Variants in TRAF3 observed in about 807,000 individuals in gnomAD.
TRAF3 encodes TNF receptor associated factor 3.
A neutral mutation model predicts 62.3 loss-of-function variants in TRAF3; 13 were observed. The ratio of observed to expected loss-of-function variants is 0.21; its 90% CI spans 0.14 to 0.33. The LOEUF is 0.33. TRAF3 is among the 10% of genes least tolerant of loss of function. The probability of loss-of-function intolerance (pLI) is 1.00; values close to 1 mark genes in which losing one functional copy is unlikely to be tolerated. For missense variants in TRAF3, 440 were observed against 741.8 expected (o/e 0.59, Z 4.73); for synonymous variants, 269 against 283.4 (o/e 0.95, Z 0.51).
intron 9 of TRAF3, chr14:102,895,134 TTGTTACTTTCA>T (rs1889934312): frequency 2.2e-6 from 1 of 455,558 alleles, no homozygotes; most frequent in African/African-American, 2.0e-5. Flanking sequence ...AATGAATGAA[TTGTTACTTTCA>T]GAGGGACACA....
At chr14:102,847,915 G>A (rs1467536533) in intron 2 of TRAF3, among the ~76,000 whole-genome samples, 3 of 151,444 alleles carry the variant, frequency 2.0e-5, no homozygotes, top group Admixed American at 2.0e-4. Context: ...AATAATAGAC[G>A]TCATACCTCA....
chr14:102,828,771 G>A (rs1158659945), intron 1 of TRAF3, among the ~76,000 whole-genome samples: 3 of 152,148 alleles, frequency 2.0e-5, no homozygotes, highest in Non-Finnish European at 2.9e-5. Context: ...CTTGACAAAT[G>A]CCCTATATAA....
At chr14:102,843,448 C>A (rs1377953757) in intron 2 of TRAF3, among the ~76,000 whole-genome samples, 1 of 151,884 alleles carries the variant, frequency 6.6e-6, no homozygotes, top group Non-Finnish European at 1.5e-5. Context: ...AGCAGTCCTC[C>A]TGCCTCAGCC....
chr14:102,868,486 G>A (rs1317963943), intron 2 of TRAF3, among the ~76,000 whole-genome samples: 1 of 152,178 alleles, frequency 6.6e-6, no homozygotes, highest in Non-Finnish European at 1.5e-5. Flanking sequence ...GACAGGAAGG[G>A]CATCTGTGCT....
chr14:102,891,441 C>G, intron 9 of TRAF3, 24 bp downstream of exon 9: 1 of 1,596,136 alleles, frequency 6.3e-7, no homozygotes, highest in Non-Finnish European at 8.5e-7. Context: ...TTTCCTGCTG[C>G]TATGGGATTT....
At chr14:102,879,866 C>T (rs1173658420) in intron 6 of TRAF3, among the ~76,000 whole-genome samples, 3 of 151,988 alleles carry the variant, frequency 2.0e-5, no homozygotes, top group Non-Finnish European at 4.4e-5. Flanking sequence ...CCTGTGTGCC[C>T]AGCACTTTGG....
At chr14:102,814,629 C>T (rs1026003811) in intron 1 of TRAF3, among the ~76,000 whole-genome samples, 1 of 152,036 alleles carries the variant, frequency 6.6e-6, no homozygotes, top group African/African-American at 2.4e-5. Flanking sequence ...GGTGATCCTC[C>T]CACCTCAGCC....
rs555565270 is a variant in TRAF3, at chr14:102,856,929, G to A, written c.-17-13256G>A. 2.6e-4 allele frequency among the ~76,000 whole-genome samples: 40 copies of A among 152,310 alleles called. No homozygotes were observed. In the South Asian group the frequency reaches 4.1e-3, roughly 16 times the overall value. On this transcript the variant is annotated intron_variant, in intron 2 of 11. Transcript: ENST00000392745. ...TAGCTCTGAGTTCCAACAAAAGGTG[G>A]TATCTGGAAGATTAATAAGTGTTCA...
chr14:102,817,169 T>G (rs557927450), intron 1 of TRAF3, among the ~76,000 whole-genome samples: 2 of 152,122 alleles, frequency 1.3e-5, no homozygotes, highest in South Asian at 2.1e-4. Context: ...GATATACAGG[T>G]CTGGGGGAAT....
At chr14:102,795,008 C>G (rs977465361) in intron 1 of TRAF3, among the ~76,000 whole-genome samples, 1 of 152,080 alleles carries the variant, frequency 6.6e-6, no homozygotes, top group African/African-American at 2.4e-5. Context: ...ATATTTCTCT[C>G]TGTTCTTAAA....
intron 1 of TRAF3, among the ~76,000 whole-genome samples, chr14:102,805,492 C>T (rs983714545): frequency 1.3e-5 from 2 of 152,146 alleles, no homozygotes; most frequent in African/African-American, 2.4e-5. Context: ...AGCCCCCTTG[C>T]GTAGAGACTC....
chr14:102,877,847 T>A (rs915815288), intron 6 of TRAF3, among the ~76,000 whole-genome samples: 1 of 151,734 alleles, frequency 6.6e-6, no homozygotes, highest in Non-Finnish European at 1.5e-5. Flanking sequence ...CTCCCTCAAC[T>A]CATAGATAAT....
intron 8 of TRAF3, among the ~76,000 whole-genome samples, chr14:102,890,834 CTAATACAT>C (rs1396661182): frequency 1.3e-5 from 2 of 152,160 alleles, no homozygotes; most frequent in Non-Finnish European, 2.9e-5. Context: ...TGTATTTGAA[CTAATACAT>C]TAATACTTTA....
chr14:102,882,007 C>T (rs1304459594), intron 6 of TRAF3, among the ~76,000 whole-genome samples: 1 of 152,210 alleles, frequency 6.6e-6, no homozygotes, highest in East Asian at 1.9e-4. Context: ...TGCACTCTCT[C>T]CTTCAGTTTG....
chr14:102,898,364 A>G (rs1171145967), intron 10 of TRAF3, among the ~76,000 whole-genome samples: 2 of 152,270 alleles, frequency 1.3e-5, no homozygotes, highest in Admixed American at 1.3e-4. Flanking sequence ...ATCAAGCCAA[A>G]TAAAGTACAA....
rs931722719 is a variant in TRAF3 at position 102,910,759 on chromosome 14, AGTCT to A, written c.*4980_*4983del. On this transcript the variant is annotated 3_prime_UTR_variant, in exon 12 of 12. Transcript: ENST00000392745. ...TCATTTCTCCTGCTGCACTGTGTCT[AGTCT>A]GTCTTGTGAACTCTCACCGTGAAAA... The A allele has an allele frequency of 4.6e-5, 7 of 152,248 alleles. No homozygotes were observed. The highest frequency in any genetic ancestry group is 1.7e-4 in the African/African-American group (7 of 41,462). 9.4% of individuals were successfully genotyped at this position (152,248 alleles called of 1,614,324 possible).
At chr14:102,893,363 C>A (rs1032248020) in intron 9 of TRAF3, among the ~76,000 whole-genome samples, 6 of 148,860 alleles carry the variant, frequency 4.0e-5, no homozygotes, top group Non-Finnish European at 8.9e-5. Flanking sequence ...GCACTCCAGC[C>A]TGGGCGACAG....
At chr14:102,839,052 T>C (rs1174630830) in intron 2 of TRAF3, among the ~76,000 whole-genome samples, 4 of 152,096 alleles carry the variant, frequency 2.6e-5, no homozygotes, top group Non-Finnish European at 5.9e-5. Flanking sequence ...GTAGAAGCTT[T>C]CCCTGTCATA....
intron 1 of TRAF3, among the ~76,000 whole-genome samples, chr14:102,789,146 C>A (rs963126720): frequency 6.6e-6 from 1 of 152,028 alleles, no homozygotes; most frequent in African/African-American, 2.4e-5. Context: ...GCTGCTTTCA[C>A]TTAGCATGAT....
Sources: gnomAD v4.1 joint callset for allele counts (sites outside exome capture counted in the v4.1 genomes callset) on GRCh38, gnomAD v4.1.1 for gene constraint, MANE v1.5 for transcripts, NCBI Gene and HGNC (gene_info 2026-07-23, HGNC 2026-07-21) for gene names.